Variants in FMN1 observed in about 807,000 individuals in gnomAD.
FMN1 encodes formin-1.
A neutral mutation model predicts 132.4 loss-of-function variants in FMN1; 110 were observed. The ratio of observed to expected loss-of-function variants is 0.83; its 90% confidence interval spans 0.71 to 0.97. The LOEUF (loss-of-function observed/expected upper bound fraction) is 0.97. FMN1 is among the 50% of genes least tolerant of loss of function. FMN1 has a pLI of 0.00. For missense variants in FMN1, 1,792 were observed against 1,705.3 expected, an observed-to-expected ratio of 1.05 and a Z score of -0.90; for synonymous variants, 722 against 651.7, an observed-to-expected ratio of 1.11 and a Z score of -1.64.
chr15:32,951,417 C>A, intron 9 of FMN1, among the ~76,000 whole-genome samples: 1 of 120,298 alleles, frequency 8.3e-6, no homozygotes, highest in Middle Eastern at 3.8e-3. Flanking sequence ...TAGCTGCGCC[C>A]CAGTGGGACA....
chr15:33,067,065 G>A (rs144742694), intron 5 of FMN1: 1 of 1,613,996 alleles, frequency 6.2e-7, no homozygotes, highest in African/African-American at 1.3e-5. Context: ...AAAAAAGCTG[G>A]AAGTTGGAAT....
intron 3 of FMN1, among the ~76,000 whole-genome samples, chr15:33,168,815 T>C (rs898850509): frequency 6.6e-6 from 1 of 152,202 alleles, no homozygotes; most frequent in African/African-American, 2.4e-5. Flanking sequence ...TTCCTTGATA[T>C]TGGAATTTAA....
chr15:33,154,453 G>A lies in FMN1; in HGVS notation c.462C>T (p.His154=), dbSNP rs1377817086. 1.6e-5 allele frequency: 24 copies of A among 1,536,020 alleles called. No homozygotes were observed. Among genetic ancestry groups the A allele is most frequent in the Middle Eastern group, 3.3e-4 (2 of 5,990 alleles). Residue 154 remains histidine, a synonymous_variant, in exon 4 of 21, where the codon CAC becomes CAT. Transcript: ENST00000616417. The part of the protein sequence containing the change: ...PVGPLNKRST[H]GNKKPRRSSG... ...TAGACCTCCGAGGCTTTTTGTTCCC[G>A]TGGGTGCTCCTCTTATTGAGAGGGC...
At chr15:32,844,855 G>A (rs1596067429) in intron 17 of FMN1, among the ~76,000 whole-genome samples, 2 of 152,234 alleles carry the variant, frequency 1.3e-5, no homozygotes, top group East Asian at 3.8e-4. Flanking sequence ...AACAACAGCA[G>A]CGGCTGATAT....
chr15:33,056,613 C>T (rs1057353256), intron 6 of FMN1, among the ~76,000 whole-genome samples: 14 of 152,160 alleles, frequency 9.2e-5, no homozygotes, highest in Admixed American at 3.9e-4. Context: ...ACATAGAAAC[C>T]TTAAGGTTGA....
chr15:32,963,358 G>A (rs545248396), intron 9 of FMN1, among the ~76,000 whole-genome samples: 1 of 132,964 alleles, frequency 7.5e-6, no homozygotes, highest in South Asian at 2.9e-4. Context: ...TCGGGGGGGT[G>A]GGGGGAGGGA....
At chr15:33,098,167 A>C (rs1407379558) in intron 4 of FMN1, among the ~76,000 whole-genome samples, 1 of 152,222 alleles carries the variant, frequency 6.6e-6, no homozygotes, top group African/African-American at 2.4e-5. Flanking sequence ...TCAAAGAAGA[A>C]TCACAAAGGA....
chr15:32,768,030 A>C lies in FMN1; in HGVS notation c.*6280T>G, dbSNP rs750279549. On this transcript the variant is annotated 3_prime_UTR_variant, in exon 21 of 21. Coordinates refer to ENST00000616417, the MANE Select transcript of FMN1 (RefSeq NM_001277313.2). ...GGAGATATTTATAATTCACAAAAAC[A>C]TCTAAAATGTAAAGATTTCAAATGT... is the stretch of plus-strand genomic sequence containing the variant. The C allele has an allele frequency of 1.3e-5, 2 of 152,246 alleles. No individual in the cohort carries two copies. Among genetic ancestry groups the C allele is most frequent in the African/African-American group, 2.4e-5 (1 of 41,464 alleles). 9.4% of individuals were successfully genotyped at this position (152,246 alleles called of 1,614,324 possible).
chr15:32,927,743 A>G (rs779595516), intron 9 of FMN1, among the ~76,000 whole-genome samples: 11 of 148,136 alleles, frequency 7.4e-5, no homozygotes, highest in South Asian at 6.2e-4. Context: ...CCACTAAGGG[A>G]AAAAAACTCT....
intron 2 of FMN1, among the ~76,000 whole-genome samples, chr15:33,182,426 G>A (rs766769540): frequency 3.3e-5 from 5 of 152,202 alleles, no homozygotes; most frequent in Non-Finnish European, 5.9e-5. Flanking sequence ...ATGGCCCCTG[G>A]CCTCCTTGAC....
At chr15:32,970,143 GTA>G (rs1340177108) in intron 7 of FMN1, among the ~76,000 whole-genome samples, 1 of 152,132 alleles carries the variant, frequency 6.6e-6, no homozygotes, top group Non-Finnish European at 1.5e-5. Context: ...GCACTTTAAA[GTA>G]TATAAGACAG....
chr15:32,811,256 G>A lies in FMN1; in HGVS notation c.3929-6924C>T, dbSNP rs146870172. 1.9e-3 allele frequency: 711 copies of A among 365,524 alleles called. 1 individual carries two copies. The highest frequency in any genetic ancestry group is 5.2e-3 in the South Asian group (250 of 47,620). The allele number at this position is 365,524 out of a possible 1,614,324, so 22.6% of individuals were successfully genotyped here. A position where few individuals can be genotyped will look rare whatever the true frequency, so the allele number is the denominator to read the frequency against. ...TCTTCCTAAGTTATTAGTTTTCCTG[G>A]TTGTGGTGAAATTAGAAGAGTGATC... On this transcript the variant is annotated intron_variant, in intron 17 of 20. Coordinates refer to ENST00000616417, the MANE Select transcript of FMN1 (RefSeq NM_001277313.2).
chr15:32,797,184 G>A (rs2057317121), intron 19 of FMN1, among the ~76,000 whole-genome samples: 1 of 152,184 alleles, frequency 6.6e-6, no homozygotes, highest in Admixed American at 6.5e-5. Context: ...ACTCTTTAAT[G>A]TGGAATACAG....
At chr15:33,037,993 C>T (rs2141102739) in intron 6 of FMN1, among the ~76,000 whole-genome samples, 1 of 152,332 alleles carries the variant, frequency 6.6e-6, no homozygotes, top group South Asian at 2.1e-4. Flanking sequence ...GAGGCCAAGG[C>T]AGGCAGATCA....
rs201857969 is a variant in FMN1, at chr15:32,969,273, C to G, written c.2428G>C (p.Glu810Gln). Residue 810 changes from glutamate to glutamine, a missense_variant, in exon 8 of 21, where the codon GAG (glutamate) becomes CAG (glutamine). Glu to Gln is a conservative substitution (Grantham distance 29). Transcript: ENST00000616417. The part of the protein sequence containing the change: ...FRNVCVQTDR[E>Q]TFLKPCESES... Reference sequence around the variant, plus strand: ...CTTTCACAGGGCTTGAGGAAGGTCTCTCTGTCTGTCTGGACGCACACATTT... The same window carrying G: ...CTTTCACAGGGCTTGAGGAAGGTCTGTCTGTCTGTCTGGACGCACACATTT... The G allele has an allele frequency of 4.2e-5, 68 of 1,613,816 alleles. 1 individual carries two copies. The highest frequency in any genetic ancestry group is 5.5e-5 in the South Asian group (5 of 91,084).
chr15:32,831,889 G>A (rs2058511974), intron 17 of FMN1, among the ~76,000 whole-genome samples: 1 of 152,072 alleles, frequency 6.6e-6, no homozygotes, highest in South Asian at 2.1e-4. Context: ...CCAAAGTGGA[G>A]GTAGAAACTG....
chr15:32,798,752 G>A (rs1242498312), intron 19 of FMN1, 52 bp downstream of exon 19: 1 of 1,481,138 alleles, frequency 6.8e-7, no homozygotes, highest in Non-Finnish European at 9.2e-7. Context: ...GTTTAAGAGT[G>A]CAGTTTCCTA....
At chr15:33,114,738 C>T (rs2039847547) in intron 4 of FMN1, among the ~76,000 whole-genome samples, 1 of 152,172 alleles carries the variant, frequency 6.6e-6, no homozygotes, top group African/African-American at 2.4e-5. Context: ...CATCACCTGA[C>T]AGGTAGCATG....
rs1044611550 is a variant in FMN1 at position 33,161,912 on chromosome 15, C to T, written c.-131-6867G>A. On this transcript the variant is annotated intron_variant, in intron 3 of 20. Coordinates refer to ENST00000616417, the MANE Select transcript of FMN1 (RefSeq NM_001277313.2). ...CAGCCTGGGTGACAGAGCAAGACTCCGTCTCAAAAAACAAAAAAGAAAAAA... is the reference window on the plus strand; with the variant it reads ...CAGCCTGGGTGACAGAGCAAGACTCTGTCTCAAAAAACAAAAAAGAAAAAA... Among the ~76,000 whole-genome samples the T allele has an allele frequency of 3.8e-5, 5 of 131,172 alleles. No homozygotes were observed. In the East Asian group the frequency reaches 6.2e-4, roughly 16 times the overall value. The allele number at this position is 131,172 out of a possible 152,430, so 86.1% of individuals were successfully genotyped here.
Sources: allele counts gnomAD v4.1 joint callset (sites outside exome capture counted in the v4.1 genomes callset), GRCh38; gene constraint gnomAD v4.1.1; transcripts MANE v1.5; gene names NCBI Gene and HGNC (gene_info 2026-07-23, HGNC 2026-07-21).